The following SPINK5 variants were observed in gnomAD, a reference collection of about 807,000 sequenced individuals.
SPINK5 encodes serine peptidase inhibitor Kazal type 5.
SPINK5 carries 125 observed loss-of-function variants against 151.8 expected under a neutral mutation model. The observed-to-expected ratio is 0.82, with a 90% CI of 0.71 to 0.96. SPINK5 has a LOEUF of 0.96. Ranked by LOEUF, SPINK5 falls within the 40% of genes least tolerant of loss-of-function variation. SPINK5 has a pLI of 0.00. For synonymous variants in SPINK5, 374 were observed against 395.3 expected, an observed-to-expected ratio of 0.95 and a Z score of 0.64; for missense variants, 1,194 against 1,291.9, an observed-to-expected ratio of 0.92 and a Z score of 1.16.
chr5:148,112,445 C>A (rs1360715230), intron 19 of SPINK5, among the ~76,000 whole-genome samples: 1 of 151,978 alleles, frequency 6.6e-6, no homozygotes, highest in Non-Finnish European at 1.5e-5. Flanking sequence ...GAGGCCGAGG[C>A]GGGCAGATGA....
intron 6 of SPINK5, 78 bp downstream of exon 6, chr5:148,088,683 C>T: frequency 1.4e-6 from 2 of 1,385,492 alleles, no homozygotes; most frequent in South Asian, 2.4e-5. Flanking sequence ...CCTCTTCCTT[C>T]TTAGGTGGGA....
At chr5:148,105,515 CA>C (rs1469854620) in intron 16 of SPINK5, among the ~76,000 whole-genome samples, 7 of 152,284 alleles carry the variant, frequency 4.6e-5, no homozygotes, top group African/African-American at 1.7e-4. Context: ...TTCCACTCTC[CA>C]TGCTTTTATA....
At chr5:148,112,974 G>C (rs778322614) in intron 20 of SPINK5, 40 bp downstream of exon 20, 2 of 1,610,924 alleles carry the variant, frequency 1.2e-6, no homozygotes, top group African/African-American at 1.3e-5. Context: ...GAAAGGATGA[G>C]ATTTTGCAGT....
At position 148,089,577 on chromosome 5, in the gene SPINK5, T is replaced by C. The variant is rs1474367973; in HGVS notation, c.558T>C (p.Asp186=). ...TRENDPVLGP[D]GKTHGNKCAM... is the part of the protein sequence containing the mutation. ...AAAATGATCCTGTTCTTGGTCCTGA[T>C]GGGAAGACGCATGGCAATAAGTGTG... The change falls in exon 7 of 33, where the codon GAT becomes GAC. Residue 186 remains aspartate (D), a synonymous_variant. Coordinates refer to ENST00000256084, the MANE Select transcript of SPINK5 (RefSeq NM_006846.4). 1 of 1,612,162 alleles carries C rather than the reference T, an allele frequency of 6.2e-7. No homozygotes were observed.
At chr5:148,065,552 C>CACAA in intron 2 of SPINK5, 180 bp downstream of exon 2, 1 of 449,772 alleles carries the variant, frequency 2.2e-6, no homozygotes, top group African/African-American at 8.9e-5. Flanking sequence ...CTCTCACACA[C>CACAA]ACACACACAC....
chr5:148,129,518 G>T (rs34439552), intron 30 of SPINK5, among the ~76,000 whole-genome samples: 84,485 of 151,000 alleles, frequency 0.56, 24,249 homozygotes, highest in Admixed American at 0.65. Flanking sequence ...AAAAAATGAA[G>T]AGAGAGAGAG....
chr5:148,075,386 CTA>C (rs1039740106), intron 4 of SPINK5, among the ~76,000 whole-genome samples: 2 of 150,730 alleles, frequency 1.3e-5, no homozygotes. Flanking sequence ...TAATATTAAA[CTA>C]TTATTATTTT....
chr5:148,072,241 C>G (rs771308237), intron 4 of SPINK5, 21 bp downstream of exon 4: 2 of 1,609,378 alleles, frequency 1.2e-6, no homozygotes, highest in Admixed American at 3.3e-5. Flanking sequence ...TTGGAGCCAA[C>G]CTGTTTACTT....
At chr5:148,098,512 A>G (rs1753537260) in intron 11 of SPINK5, among the ~76,000 whole-genome samples, 1 of 152,122 alleles carries the variant, frequency 6.6e-6, no homozygotes, top group Non-Finnish European at 1.5e-5. Context: ...CAAATTAAGT[A>G]TTTAACTTAT....
Position 148,101,826 on chromosome 5 carries a change from T to C in SPINK5, c.1348T>C (p.Phe450Leu), listed in dbSNP as rs1753653672. 1 of 1,613,814 alleles carries C rather than the reference T, an allele frequency of 6.2e-7. No homozygotes were observed. The highest frequency in any genetic ancestry group is 1.3e-5 in the African/African-American group (1 of 75,000). The part of the protein sequence containing the change: ...YRKSRKNGRL[F>L]CTRENDPIQG... ...CAAATCCAGGAAAAACGGACGGCTT[T>C]TTTGCACCAGAGAGAATGACCCCAT... is the stretch of plus-strand genomic sequence containing the variant. The change falls in exon 15 of 33, where the codon TTT (phenylalanine) becomes CTT (leucine). Residue 450 changes from phenylalanine to leucine, a missense_variant. Coordinates refer to ENST00000256084, the MANE Select transcript of SPINK5 (RefSeq NM_006846.4).
intron 7 of SPINK5, among the ~76,000 whole-genome samples, 191 bp downstream of exon 7, chr5:148,089,812 A>G (rs1457415431): frequency 6.6e-6 from 1 of 151,872 alleles, no homozygotes; most frequent in Non-Finnish European, 1.5e-5. Context: ...TTCTTAAAAG[A>G]AGAGAATAAG....
Position 148,094,484 on chromosome 5 carries a change from G to A in SPINK5, c.794+3G>A. On this transcript the variant is annotated splice_donor_region_variant and intron_variant, in intron 9 of 32. Transcript: ENST00000256084. ...TGTGCCCTGTGTGCTGAAATTTTGT[G>A]AGTATAGAAGTGGTTTTTTCAGAGT... 1 of 1,612,290 alleles carries A rather than the reference G, an allele frequency of 6.2e-7. No homozygotes were observed. The highest frequency in any genetic ancestry group is 8.5e-7 in the Non-Finnish European group (1 of 1,178,814).
Position 148,113,400 on chromosome 5 carries a change from A to AC in SPINK5, c.1887+466_1887+467insC, listed in dbSNP as rs1753996876. 2.6e-5 allele frequency among the ~76,000 whole-genome samples: 4 copies of AC among 152,308 alleles called. No individual in the cohort carries two copies. The South Asian group carries it at 8.3e-4, about 32-fold the overall frequency. ...CTTCATATTTCAAAGTTCTGGAACAATAGAATTCAATCCTAGACTTCCTGA... is the reference window on the plus strand; with the variant it reads ...CTTCATATTTCAAAGTTCTGGAACAACTAGAATTCAATCCTAGACTTCCTGA... On this transcript the variant is annotated intron_variant, in intron 20 of 32. Transcript: ENST00000256084.
chr5:148,131,130 A>T, intron 30 of SPINK5, 129 bp from the exon 31 acceptor site: 1 of 1,269,072 alleles, frequency 7.9e-7, no homozygotes, highest in Non-Finnish European at 1.1e-6. Context: ...TTGAGTTTGA[A>T]TAACATATAT....
In SPINK5 at chr5:148,108,741, T is replaced by C; in HGVS notation, c.1608-12T>C. The C allele has an allele frequency of 1.2e-6, 2 of 1,610,104 alleles. No homozygotes were observed. Among genetic ancestry groups the C allele is most frequent in the Non-Finnish European group, 1.7e-6 (2 of 1,177,400 alleles). On this transcript the variant is annotated splice_polypyrimidine_tract_variant and intron_variant, in intron 17 of 32. Coordinates refer to ENST00000256084, the MANE Select transcript of SPINK5 (RefSeq NM_006846.4). Reference sequence around the variant, plus strand: ...AATCATATTCAGCCTATATCTTCTTTTTCTATTACAGCAAACTTGAAGAAG... The same window carrying C: ...AATCATATTCAGCCTATATCTTCTTCTTCTATTACAGCAAACTTGAAGAAG...
At chr5:148,120,167 G>GT in intron 25 of SPINK5, 31 bp downstream of exon 25, 1 of 1,613,988 alleles carries the variant, frequency 6.2e-7, no homozygotes, top group Non-Finnish European at 8.5e-7. Context: ...GCTTTTGACT[G>GT]TGAGTCTTAA....
intron 29 of SPINK5, among the ~76,000 whole-genome samples, 199 bp from the exon 30 acceptor site, chr5:148,126,784 G>A (rs1024601147): frequency 6.6e-6 from 1 of 151,982 alleles, no homozygotes; most frequent in African/African-American, 2.4e-5. Flanking sequence ...TAGAGATGGA[G>A]TTTCACCATG....
chr5:148,136,468 C>G (rs1445702224), intron 32 of SPINK5, among the ~76,000 whole-genome samples: 1 of 152,052 alleles, frequency 6.6e-6, no homozygotes, highest in Non-Finnish European at 1.5e-5. Context: ...GAGGCCCTCG[C>G]CCCCTTTAAG....
rs747877527 is a variant in SPINK5, at chr5:148,064,055, C to T, written c.11C>T (p.Ala4Val). Residue 4 changes from alanine to valine, a missense_variant, in exon 1 of 33, where the codon GCC becomes GTC. Physicochemically the swap from Ala to Val is moderately conservative, Grantham distance 64. Transcript: ENST00000256084. MKI[A>V]TVSVLLPLAL... ...TGCATCGTCTTCAACATGAAGATAG[C>T]CACAGTGTCAGTGCTTCTGCCCTTG... 4 of 1,614,148 alleles carry T rather than the reference C, an allele frequency of 2.5e-6. No individual in the cohort carries two copies. The highest frequency in any genetic ancestry group is 1.1e-5 in the South Asian group (1 of 91,078).
Sources: allele counts gnomAD v4.1 joint callset (sites outside exome capture counted in the v4.1 genomes callset), GRCh38; gene constraint gnomAD v4.1.1; transcripts MANE v1.5; gene names NCBI Gene and HGNC (gene_info 2026-07-23, HGNC 2026-07-21).